Variants in RNF220 observed in about 807,000 individuals in gnomAD.
The protein encoded by RNF220 is ring finger protein 220.
In RNF220, 7 loss-of-function variants were observed where a neutral mutation model predicts 67.1. The ratio of observed to expected loss-of-function variants is 0.10; its 90% CI spans 0.06 to 0.20. RNF220 has a LOEUF of 0.20. Ranked by LOEUF, RNF220 falls within the 10% of genes least tolerant of loss-of-function variation. RNF220 has a pLI of 1.00. For missense variants in RNF220, 565 were observed against 740.3 expected (o/e 0.76, Z 2.75); for synonymous variants, 270 against 283.2 (o/e 0.95, Z 0.47).
intron 8 of RNF220, among the ~76,000 whole-genome samples, chr1:44,637,808 T>C (rs1393930747): frequency 6.6e-6 from 1 of 152,200 alleles, no homozygotes; most frequent in East Asian, 1.9e-4. Context: ...GGCTTTTCTT[T>C]GAGCGATTTG....
rs112154380 is a variant in RNF220, at chr1:44,633,974, A to C, written c.950-1571A>C. Among the ~76,000 whole-genome samples, 587 of 152,410 alleles carry C rather than the reference A, an allele frequency of 3.9e-3. 6 individuals are homozygous for C. Among genetic ancestry groups the C allele is most frequent in the African/African-American group, 0.013 (551 of 41,598 alleles). ...TCAAGTGAGGCACTAGGACACAGTC[A>C]TGTCACCTATAGTGAAGACACAGGA... On this transcript the variant is annotated intron_variant, in intron 6 of 14. Transcript: ENST00000361799.
At chr1:44,467,016 A>G (rs1251617774) in intron 2 of RNF220, among the ~76,000 whole-genome samples, 1 of 152,206 alleles carries the variant, frequency 6.6e-6, no homozygotes. Context: ...GCATCTTCCA[A>G]TATAAGGCAG....
At chr1:44,482,492 C>T (rs1021872998) in intron 2 of RNF220, among the ~76,000 whole-genome samples, 31 of 152,210 alleles carry the variant, frequency 2.0e-4, no homozygotes, top group African/African-American at 7.5e-4. Context: ...CAATGAATAG[C>T]TTCAGTGGAG....
intron 12 of RNF220, among the ~76,000 whole-genome samples, chr1:44,646,041 A>C (rs6698388): frequency 0.14 from 21,103 of 152,182 alleles, 2,307 homozygotes; most frequent in African/African-American, 0.3. Flanking sequence ...TCAGCTGGGC[A>C]TCTTCCTGCC....
intron 2 of RNF220, among the ~76,000 whole-genome samples, chr1:44,490,407 C>T (rs534934404): frequency 1.9e-4 from 29 of 151,406 alleles, no homozygotes; most frequent in Middle Eastern, 6.8e-3. Context: ...AGGTTCACTG[C>T]AGAGGTTGCA....
intron 2 of RNF220, among the ~76,000 whole-genome samples, chr1:44,423,211 CA>C (rs1252662872): frequency 6.6e-6 from 1 of 152,140 alleles, no homozygotes; most frequent in African/African-American, 2.4e-5. Flanking sequence ...ATCTGAAAAT[CA>C]AGAAGGAGTT....
chr1:44,646,497 TGTG>T (rs1644652505), intron 12 of RNF220, among the ~76,000 whole-genome samples: 1 of 152,232 alleles, frequency 6.6e-6, no homozygotes, highest in South Asian at 2.1e-4. Flanking sequence ...GCAACCAGCT[TGTG>T]GTGGGGAGGA....
intron 2 of RNF220, among the ~76,000 whole-genome samples, chr1:44,573,669 T>G (rs1395935544): frequency 1.3e-5 from 2 of 152,162 alleles, no homozygotes; most frequent in African/African-American, 2.4e-5. Flanking sequence ...AATTTGGAAT[T>G]AATAGACTAT....
intron 2 of RNF220, among the ~76,000 whole-genome samples, chr1:44,501,596 CAATTTCTTTCT>C (rs1657886452): frequency 2.1e-5 from 3 of 144,838 alleles, no homozygotes; most frequent in African/African-American, 8.7e-5. Context: ...CCAAGCAGGA[CAATTTCTTTCT>C]TCCTTTTGCA....
chr1:44,436,181 C>T (rs192616815), intron 2 of RNF220, among the ~76,000 whole-genome samples: 10 of 151,980 alleles, frequency 6.6e-5, no homozygotes, highest in African/African-American at 2.2e-4. Flanking sequence ...TTAAATGCCT[C>T]GATTAAGGAT....
chr1:44,619,563 C>A (rs1258046704), intron 3 of RNF220, among the ~76,000 whole-genome samples: 1 of 152,198 alleles, frequency 6.6e-6, no homozygotes, highest in Admixed American at 6.5e-5. Context: ...GTGTAAATCA[C>A]CTTAATTAAA....
intron 2 of RNF220, among the ~76,000 whole-genome samples, chr1:44,576,667 C>T (rs1664827789): frequency 6.6e-6 from 1 of 152,032 alleles, no homozygotes. Flanking sequence ...CAGGGGAGCC[C>T]AGCAACAACC....
At chr1:44,483,443 G>A (rs1354222059) in intron 2 of RNF220, among the ~76,000 whole-genome samples, 1 of 152,200 alleles carries the variant, frequency 6.6e-6, no homozygotes, top group Non-Finnish European at 1.5e-5. Context: ...AGGAAAGGGA[G>A]AAGTGCCATG....
chr1:44,616,644 GA>G (rs113590364), intron 3 of RNF220, among the ~76,000 whole-genome samples: 9 of 151,440 alleles, frequency 5.9e-5, no homozygotes, highest in South Asian at 2.1e-4. Context: ...CAGAAAGTGG[GA>G]AAAAAAAATC....
intron 2 of RNF220, among the ~76,000 whole-genome samples, chr1:44,494,373 A>G (rs1439397606): frequency 6.6e-6 from 1 of 152,328 alleles, no homozygotes; most frequent in African/African-American, 2.4e-5. Flanking sequence ...AATTAATTCA[A>G]CTAGAGATAT....
chr1:44,618,940 G>A (rs1643674283), intron 3 of RNF220, among the ~76,000 whole-genome samples: 1 of 152,126 alleles, frequency 6.6e-6, no homozygotes, highest in Non-Finnish European at 1.5e-5. Flanking sequence ...GGAGAGTGAT[G>A]GTGGCAGAGA....
At chr1:44,490,347 G>A (rs1423735067) in intron 2 of RNF220, among the ~76,000 whole-genome samples, 1 of 152,014 alleles carries the variant, frequency 6.6e-6, no homozygotes, top group Non-Finnish European at 1.5e-5. Flanking sequence ...GCGAGCGCCT[G>A]TAATCCCAGC....
At chr1:44,577,063 A>G (rs1036767006) in intron 2 of RNF220, among the ~76,000 whole-genome samples, 1 of 152,226 alleles carries the variant, frequency 6.6e-6, no homozygotes, top group African/African-American at 2.4e-5. Flanking sequence ...GCAGAGGCTG[A>G]TACAGCAGAT....
intron 2 of RNF220, among the ~76,000 whole-genome samples, chr1:44,599,426 A>C (rs1191425927): frequency 6.6e-6 from 1 of 152,142 alleles, no homozygotes; most frequent in African/African-American, 2.4e-5. Flanking sequence ...TAATCCCAGC[A>C]CTTTGGGAGG....
Sources: allele counts gnomAD v4.1 joint callset (sites outside exome capture counted in the v4.1 genomes callset), GRCh38; gene constraint gnomAD v4.1.1; transcripts MANE v1.5; gene names NCBI Gene and HGNC (gene_info 2026-07-23, HGNC 2026-07-21).